RNF183: variants seen among roughly 807,000 people sequenced by gnomAD.
The protein encoded by RNF183 is E3 ubiquitin-protein ligase RNF183.
In RNF183, 4 loss-of-function variants were observed where a neutral mutation model predicts 9.0. The ratio of observed to expected loss-of-function variants is 0.44; its 90% CI spans 0.22 to 1.01. The LOEUF (loss-of-function observed/expected upper bound fraction) is 1.01. Among genes scored for constraint, RNF183 ranks in the 50% least tolerant of loss-of-function variants. The pLI is 0.25. For missense variants in RNF183, 227 were observed against 253.6 expected, an observed-to-expected ratio of 0.89 and a Z score of 0.71; for synonymous variants, 102 against 107.5, an observed-to-expected ratio of 0.95 and a Z score of 0.32.
rs1442617522 is a variant in RNF183, at chr9:113,297,341, G to A, written c.*265C>T. The A allele has an allele frequency of 3.6e-6, 1 of 280,532 alleles. No individual in the cohort carries two copies. The highest frequency in any genetic ancestry group is 6.7e-6 in the Non-Finnish European group (1 of 149,938). The allele number at this position is 280,532 out of a possible 1,614,324, so 17.4% of individuals were successfully genotyped here. ...GCAGCCCTTTGGCACAACTTGCTGT[G>A]GAGCTCTGTGGTCAGAACCGCTTCT... On this transcript the variant is annotated 3_prime_UTR_variant, in exon 5 of 5. Coordinates refer to ENST00000489339, the MANE Select transcript of RNF183 (RefSeq NM_001371237.1).
Position 113,297,801 on chromosome 9 carries a change from A to G in RNF183, c.384T>C (p.Thr128=). 2 of 1,611,406 alleles carry G rather than the reference A, an allele frequency of 1.2e-6. No individual in the cohort carries two copies. Among genetic ancestry groups the G allele is most frequent in the Non-Finnish European group, 1.7e-6 (2 of 1,178,556 alleles). Residue 128 remains threonine (T), a synonymous_variant, in exon 5 of 5, where the codon ACT becomes ACC. Coordinates refer to ENST00000489339, the MANE Select transcript of RNF183 (RefSeq NM_001371237.1). ...CAGAGGCCGTGTCTGGGGGCGGCCC[A>G]GTCTGGCCCCCAGGCTGGGGGCCAA... The part of the protein sequence containing the change: ...LDLGPQPGGQ[T]GPPPDTASAT...
intron 1 of RNF183, 57 bp downstream of exon 1, chr9:113,302,999 T>A (rs1445538239): frequency 6.6e-6 from 1 of 152,366 alleles, no homozygotes; most frequent in Non-Finnish European, 1.5e-5. Flanking sequence ...GGCTGCTGCC[T>A]CTCTGGACTC....
At position 113,298,067 on chromosome 9, in the gene RNF183, A is replaced by C. The variant is rs180833376; in HGVS notation, c.118T>G (p.Cys40Gly). The C allele has an allele frequency of 4.3e-4, 687 of 1,614,070 alleles. 4 individuals carry two copies. In the Middle Eastern group the frequency reaches 6.4e-3, roughly 15 times the overall value. The change falls in exon 5 of 5, where the codon TGT becomes GGT. Residue 40 changes from cysteine to glycine, a missense_variant. Transcript: ENST00000489339. The surrounding 1 kb of genome is among the most constrained non-coding windows in gnomAD (Gnocchi z 4.9). ...LDCCHSFCVE[C>G]LAHLSLVTPA... ...GTCACAAGGCTGAGGTGGGCCAGAC[A>C]TTCCACGCAGAAGGAGTGGCAGCAA...
rs1422191774 is a variant in RNF183 at position 113,297,837 on chromosome 9, G to A, written c.348C>T (p.Tyr116=). 2 of 1,611,898 alleles carry A rather than the reference G, an allele frequency of 1.2e-6. No homozygotes were observed. The highest frequency in any genetic ancestry group is 2.7e-5 in the African/African-American group (2 of 74,880). Residue 116 remains tyrosine (Y), a synonymous_variant, in exon 5 of 5, where the codon TAC becomes TAT. Coordinates refer to ENST00000489339, the MANE Select transcript of RNF183 (RefSeq NM_001371237.1). ...SRYFLRQPQV[Y]TLDLGPQPGG... is the part of the protein sequence containing the mutation. Reference sequence around the variant, plus strand: ...CAGGCTGGGGGCCAAGGTCCAGCGTGTAGACTTGAGGCTGGCGCAGGAAGT... The same window carrying A: ...CAGGCTGGGGGCCAAGGTCCAGCGTATAGACTTGAGGCTGGCGCAGGAAGT...
At position 113,298,212 on chromosome 9, in the gene RNF183, G is replaced by A. The variant is rs750958782; in HGVS notation, c.-28C>T. On this transcript the variant is annotated 5_prime_UTR_variant, in exon 5 of 5. Transcript: ENST00000489339. This position sits in a 1 kb window ranked among gnomAD's most constrained non-coding sequence, Gnocchi z 4.9. ...TCAGCCACACACGGGGAGGCTTCGC[G>A]GGAGACGTCCTGGCAGAAGGGGGAA... is the stretch of plus-strand genomic sequence containing the variant. 18 of 1,569,136 alleles carry A rather than the reference G, an allele frequency of 1.1e-5. No homozygotes were observed. Among genetic ancestry groups the A allele is most frequent in the African/African-American group, 5.4e-5 (4 of 74,274 alleles).
chr9:113,300,402 T>A lies in RNF183; in HGVS notation c.-241-627A>T, dbSNP rs117251975. 7.2e-5 allele frequency among the ~76,000 whole-genome samples: 11 copies of A among 151,924 alleles called. No individual in the cohort carries two copies. The East Asian group carries it at 2.1e-3, about 29-fold the overall frequency. The stretch of plus-strand genomic sequence containing the variant: ...GTCTTTGACCTCATGACATTTAGAG[T>A]GTAGTGAGGCAAAAAGACATTTAAT... On this transcript the variant is annotated intron_variant, in intron 3 of 4. Transcript: ENST00000489339.
In RNF183 at chr9:113,297,940, G is replaced by A. The variant is rs745511511; in HGVS notation, c.245C>T (p.Ala82Val). 4 of 1,613,798 alleles carry A rather than the reference G, an allele frequency of 2.5e-6. No individual in the cohort carries two copies. The Admixed American group carries it at 5.0e-5, about 20-fold the overall frequency. The change falls in exon 5 of 5, where the codon GCC (alanine) becomes GTC (valine). Residue 82 changes from alanine (A) to valine (V), a missense_variant. Transcript: ENST00000489339. ...ATGGTGGGGCTCCAGGCGGAGCAGG[G>A]CGAGCATGGCAGTGTCCGTGGGCAA... ...TDLPTDTAML[A>V]LLRLEPHHVI...
rs899885280 is a variant in RNF183 at position 113,298,022 on chromosome 9, G to C, written c.163C>G (p.Leu55Val). ...SLVTPARRRLLCPLCRQPTVL... is the reference protein window; with the variant it reads ...SLVTPARRRLVCPLCRQPTVL... The stretch of plus-strand genomic sequence containing the variant: ...GTGGGCTGGCGACAGAGTGGGCACA[G>C]CAGGCGGCGCCGGGCTGGAGTCACA... The change falls in exon 5 of 5, where the codon CTG becomes GTG. Residue 55 changes from leucine to valine, a missense_variant. Transcript: ENST00000489339. The surrounding 1 kb of genome is among the most constrained non-coding windows in gnomAD (Gnocchi z 4.9). 3 of 1,613,924 alleles carry C rather than the reference G, an allele frequency of 1.9e-6. No individual in the cohort carries two copies. The Admixed American group carries it at 5.0e-5, about 27-fold the overall frequency.
Position 113,298,268 on chromosome 9 carries a change from C to T in RNF183, c.-37-47G>A. 1 of 1,215,306 alleles carries T rather than the reference C, an allele frequency of 8.2e-7. No individual in the cohort carries two copies. The allele number at this position is 1,215,306 out of a possible 1,614,324, so 75.3% of individuals were successfully genotyped here. On this transcript the variant is annotated intron_variant, in intron 4 of 4. Transcript: ENST00000489339. This position sits in a 1 kb window ranked among gnomAD's most constrained non-coding sequence, Gnocchi z 4.9. Reference sequence around the variant, plus strand: ...CAAAGGAACAGCCATGAAGTCCCATCCTTGTGCTTGGCCTGGGGCAAAGTG... The same window carrying T: ...CAAAGGAACAGCCATGAAGTCCCATTCTTGTGCTTGGCCTGGGGCAAAGTG...
intron 3 of RNF183, among the ~76,000 whole-genome samples, chr9:113,300,951 G>A (rs866926533): frequency 3.3e-5 from 5 of 152,156 alleles, no homozygotes; most frequent in Non-Finnish European, 4.4e-5. Flanking sequence ...TTAGGCAGTG[G>A]CAGAGGAGAT....
Position 113,298,774 on chromosome 9 carries a change from C to G in RNF183, c.-37-553G>C, listed in dbSNP as rs975498244. 2.0e-5 allele frequency: 3 copies of G among 152,806 alleles called. No individual in the cohort carries two copies. In the South Asian group the frequency reaches 6.2e-4, roughly 32 times the overall value. The allele number at this position is 152,806 out of a possible 1,614,324, so 9.5% of individuals were successfully genotyped here. A position where few individuals can be genotyped will look rare whatever the true frequency, so the allele number is the denominator to read the frequency against. On this transcript the variant is annotated intron_variant, in intron 4 of 4. Coordinates refer to ENST00000489339, the MANE Select transcript of RNF183 (RefSeq NM_001371237.1). The surrounding 1 kb of genome is among the most constrained non-coding windows in gnomAD (Gnocchi z 4.9). ...AGTCCTTGGCCTGGCAAGGAAGCCC[C>G]TGGAAAGGCCTTTCTCCTTACCTGG... is the stretch of plus-strand genomic sequence containing the variant.
At position 113,297,711 on chromosome 9, in the gene RNF183, AG is replaced by A. The variant is rs745565515; in HGVS notation, c.473del (p.Pro158LeufsTer9). 3.7e-6 allele frequency: 6 copies of A among 1,613,884 alleles called. No individual in the cohort carries two copies. The highest frequency in any genetic ancestry group is 5.1e-6 in the Non-Finnish European group (6 of 1,180,000). On this transcript the variant is annotated frameshift_variant, in exon 5 of 5. Transcript: ENST00000489339. LOFTEE classifies it high-confidence loss of function. ...HHSLRECFRN[P>X]QFRIFAYLMA... ...TCAGGTAGGCAAAGATGCGGAACTGAGGGTTGCGGAAACACTCCCTCAAAGA... is the reference window on the plus strand; with the variant it reads ...TCAGGTAGGCAAAGATGCGGAACTGAGGTTGCGGAAACACTCCCTCAAAGA...
chr9:113,299,374 C>T (rs1832845175), intron 4 of RNF183, 198 bp downstream of exon 4: 1 of 152,234 alleles, frequency 6.6e-6, no homozygotes, highest in Non-Finnish European at 1.5e-5. Context: ...GTCTTCTGGG[C>T]TTCCTCTCTC....
chr9:113,297,940 G>T lies in RNF183; in HGVS notation c.245C>A (p.Ala82Asp). The T allele has an allele frequency of 6.2e-7, 1 of 1,613,798 alleles. No individual in the cohort carries two copies. The highest frequency in any genetic ancestry group is 8.5e-7 in the Non-Finnish European group (1 of 1,179,862). ...ATGGTGGGGCTCCAGGCGGAGCAGG[G>T]CGAGCATGGCAGTGTCCGTGGGCAA... The part of the protein sequence containing the change: ...TDLPTDTAML[A>D]LLRLEPHHVI... Residue 82 changes from alanine (A) to aspartate (D), a missense_variant, in exon 5 of 5, where the codon GCC (alanine) becomes GAC (aspartate). Coordinates refer to ENST00000489339, the MANE Select transcript of RNF183 (RefSeq NM_001371237.1).
intron 4 of RNF183, chr9:113,299,354 G>A (rs1257273408): frequency 6.6e-6 from 1 of 152,326 alleles, no homozygotes; most frequent in Non-Finnish European, 1.5e-5. Flanking sequence ...GATGTGAAGA[G>A]GGTAACTGAG....
chr9:113,301,083 T>A (rs1371475243), intron 3 of RNF183, among the ~76,000 whole-genome samples: 2 of 152,186 alleles, frequency 1.3e-5, no homozygotes, highest in Non-Finnish European at 2.9e-5. Flanking sequence ...GATCCATGGC[T>A]ATTTAGGGCT....
At chr9:113,301,332 T>C (rs570028144) in intron 3 of RNF183, among the ~76,000 whole-genome samples, 2 of 152,336 alleles carry the variant, frequency 1.3e-5, no homozygotes, top group African/African-American at 4.8e-5. Flanking sequence ...CGGTCTAGCC[T>C]GTTGCTCCTA....
Position 113,297,492 on chromosome 9 carries a change from C to T in RNF183, c.*114G>A. 1 of 713,032 alleles carries T rather than the reference C, an allele frequency of 1.4e-6. No individual in the cohort carries two copies. Among genetic ancestry groups the T allele is most frequent in the Non-Finnish European group, 2.3e-6 (1 of 434,142 alleles). The allele number at this position is 713,032 out of a possible 1,614,324, so 44.2% of individuals were successfully genotyped here. ...AAGCAAACACATGGCCTGAACAATC[C>T]CTGGATTGTAAAATAAACAACACTA... On this transcript the variant is annotated 3_prime_UTR_variant, in exon 5 of 5. Coordinates refer to ENST00000489339, the MANE Select transcript of RNF183 (RefSeq NM_001371237.1).
At position 113,302,184 on chromosome 9, in the gene RNF183, AT is replaced by A. The variant is rs1401151621; in HGVS notation, c.-322+10del. 1 of 151,886 alleles carries A rather than the reference AT, an allele frequency of 6.6e-6. No homozygotes were observed. Among genetic ancestry groups the A allele is most frequent in the African/African-American group, 2.4e-5 (1 of 41,324 alleles). 9.4% of individuals were successfully genotyped at this position (151,886 alleles called of 1,614,324 possible). On this transcript the variant is annotated intron_variant, in intron 2 of 4. Transcript: ENST00000489339. The stretch of plus-strand genomic sequence containing the variant: ...GTCAAGATCTCCTGTTTCCCCCCAA[AT>A]CAGACCTACCTTCTCTGAAGTTCCA...
Sources: allele counts gnomAD v4.1 joint callset (sites outside exome capture counted in the v4.1 genomes callset), GRCh38; gene constraint gnomAD v4.1.1; non-coding constraint Gnocchi (gnomAD v3.1); transcripts MANE v1.5; gene names NCBI Gene and HGNC (gene_info 2026-07-23, HGNC 2026-07-21).